IGSF10: variants seen among roughly 807,000 people sequenced by gnomAD.
The protein encoded by IGSF10 is calvaria mechanical force protein 608.
A neutral mutation model predicts 128.2 loss-of-function variants in IGSF10; 126 were observed. The observed-to-expected ratio is 0.98, with a 90% confidence interval of 0.85 to 1.14. IGSF10 has a LOEUF of 1.14. Among genes scored for constraint, IGSF10 ranks in the 50% most tolerant of loss-of-function variants. The probability of loss-of-function intolerance (pLI) is 0.00; values close to 1 mark genes in which losing one functional copy is unlikely to be tolerated. For missense variants in IGSF10, 3,295 were observed against 3,149.8 expected (o/e 1.05, Z -1.10); for synonymous variants, 1,185 against 1,146.2 (o/e 1.03, Z -0.68).
Position 151,446,620 on chromosome 3 carries a change from T to C in IGSF10, c.3361A>G (p.Lys1121Glu). ...LLLENKPSVE[K>E]TTPTIKYFRT... is the part of the protein sequence containing the mutation. ...AAATATTTTATTGTGGGTGTTGTTTTCTCTACACTGGGTTTGTTCTCAAGT... is the reference window on the plus strand; with the variant it reads ...AAATATTTTATTGTGGGTGTTGTTTCCTCTACACTGGGTTTGTTCTCAAGT... The change falls in exon 6 of 8, where the codon AAA becomes GAA. Residue 1121 changes from lysine to glutamate, a missense_variant. Transcript: ENST00000282466. The C allele has an allele frequency of 6.2e-7, 1 of 1,614,158 alleles. No homozygotes were observed.
chr3:151,435,173 T>C (rs998953415), downstream of IGSF10: 2 of 148,214 alleles, frequency 1.3e-5, no homozygotes, highest in African/African-American at 2.5e-5. Context: ...CAGAGGAAAT[T>C]ACCTTAGAAT....
the IGSF10 span, among the ~76,000 whole-genome samples, chr3:151,617,309 TCTTCTTCTTCCC>T: frequency 1.6e-5 from 2 of 127,230 alleles, no homozygotes; most frequent in Non-Finnish European, 3.3e-5. Context: ...TTCTTCTTCT[TCTTCTTCTTCCC>T]CTCCTCCTCC....
At chr3:151,465,463 G>C (rs1282321691), upstream of IGSF10, among the ~76,000 whole-genome samples, 1 of 152,246 alleles carries the variant, frequency 6.6e-6, no homozygotes, top group Non-Finnish European at 1.5e-5. Flanking sequence ...AAAGCCATTG[G>C]TTGAGGTTTG....
the IGSF10 span, among the ~76,000 whole-genome samples, chr3:151,493,037 G>A: frequency 6.6e-6 from 1 of 152,074 alleles, no homozygotes; most frequent in South Asian, 2.1e-4. Flanking sequence ...GGACCTGGAG[G>A]ACATTATGCT....
the IGSF10 span, among the ~76,000 whole-genome samples, chr3:151,531,713 T>C: frequency 6.6e-6 from 1 of 152,150 alleles, no homozygotes; most frequent in Admixed American, 6.5e-5. Context: ...TGGCACTAAA[T>C]GTCCACAAGA....
rs1284808445 is a variant in IGSF10 at position 151,447,713 on chromosome 3, C to T, written c.2268G>A (p.Trp756Ter). 5.0e-6 allele frequency: 8 copies of T among 1,613,994 alleles called. No homozygotes were observed. Among genetic ancestry groups the T allele is most frequent in the Non-Finnish European group, 6.8e-6 (8 of 1,180,034 alleles). ...TTTTAGCTTTCTCCAACAGTGCCGC[C>T]CAATGTTGTGGGTCAATTCTCCTAG... ...PSARRIDPQH[W>*]AALLEKAKKN... Residue 756 changes from tryptophan to a stop codon, truncating the protein, a stop_gained, in exon 6 of 8, where the codon TGG (tryptophan) becomes TGA (stop). Coordinates refer to ENST00000282466, the MANE Select transcript of IGSF10 (RefSeq NM_178822.5). LOFTEE classifies it high-confidence loss of function.
At chr3:151,514,700 A>G in the IGSF10 span, among the ~76,000 whole-genome samples, 1 of 152,146 alleles carries the variant, frequency 6.6e-6, no homozygotes, top group South Asian at 2.1e-4. Flanking sequence ...ATGGGAGAAA[A>G]TTTTTGCAAC....
chr3:151,439,799 A>T (rs1720729345), intron 7 of IGSF10, among the ~76,000 whole-genome samples: 1 of 152,190 alleles, frequency 6.6e-6, no homozygotes, highest in Non-Finnish European at 1.5e-5. Context: ...TTTAACCACC[A>T]GATGGCAGAT....
the IGSF10 span, among the ~76,000 whole-genome samples, chr3:151,567,857 C>G: frequency 6.6e-6 from 1 of 152,138 alleles, no homozygotes; most frequent in African/African-American, 2.4e-5. Context: ...TCCCCTGTGC[C>G]CCCTGCCTGG....
At chr3:151,494,877 A>G in the IGSF10 span, among the ~76,000 whole-genome samples, 2 of 152,114 alleles carry the variant, frequency 1.3e-5, no homozygotes, top group African/African-American at 4.8e-5. Context: ...TAAATCACAA[A>G]CACATTTTAG....
the IGSF10 span, among the ~76,000 whole-genome samples, chr3:151,519,752 C>T: frequency 3.3e-5 from 5 of 151,866 alleles, no homozygotes. Context: ...GTTTTGATTG[C>T]TACTGTACTG....
chr3:151,601,810 T>A, the IGSF10 span, among the ~76,000 whole-genome samples: 1 of 152,152 alleles, frequency 6.6e-6, no homozygotes, highest in Non-Finnish European at 1.5e-5. Flanking sequence ...ACTCTAAAAT[T>A]CTGTGCTTAT....
chr3:151,491,599 T>A, the IGSF10 span, among the ~76,000 whole-genome samples: 1 of 151,548 alleles, frequency 6.6e-6, no homozygotes, highest in Non-Finnish European at 1.5e-5. Flanking sequence ...AAACAAACAA[T>A]AAATACATAA....
At chr3:151,597,004 C>T in the IGSF10 span, among the ~76,000 whole-genome samples, 3 of 150,982 alleles carry the variant, frequency 2.0e-5, no homozygotes, top group African/African-American at 7.3e-5. Flanking sequence ...TCTGAGTTTC[C>T]GGGGTTTTTT....
At chr3:151,512,421 A>G in the IGSF10 span, among the ~76,000 whole-genome samples, 2 of 152,234 alleles carry the variant, frequency 1.3e-5, no homozygotes, top group Non-Finnish European at 2.9e-5. Flanking sequence ...CAACGAGAAC[A>G]AAGACACAAC....
the IGSF10 span, among the ~76,000 whole-genome samples, chr3:151,580,566 T>G: frequency 6.6e-6 from 1 of 152,224 alleles, no homozygotes; most frequent in Non-Finnish European, 1.5e-5. Flanking sequence ...TGGGAAAGCC[T>G]GTCAAAGTTT....
chr3:151,618,646 C>T, the IGSF10 span, among the ~76,000 whole-genome samples: 3 of 151,650 alleles, frequency 2.0e-5, no homozygotes, highest in Non-Finnish European at 4.4e-5. Flanking sequence ...AGGAGAATGG[C>T]GTGAACCCAG....
the IGSF10 span, among the ~76,000 whole-genome samples, chr3:151,574,789 G>A: frequency 6.6e-6 from 1 of 152,174 alleles, no homozygotes; most frequent in Non-Finnish European, 1.5e-5. Context: ...TCCTTTGGAG[G>A]AGAAAAGGTG....
the IGSF10 span, among the ~76,000 whole-genome samples, chr3:151,514,164 G>A: frequency 2.0e-4 from 31 of 152,190 alleles, no homozygotes; most frequent in African/African-American, 4.8e-5. Flanking sequence ...GCATTGCCAA[G>A]TCAATCCTAA....
Sources: allele counts gnomAD v4.1 joint callset (sites outside exome capture counted in the v4.1 genomes callset), GRCh38; gene constraint gnomAD v4.1.1; transcripts MANE v1.5; gene names NCBI Gene and HGNC (gene_info 2026-07-23, HGNC 2026-07-21).